The following ACYP2 variants were observed in gnomAD, a reference collection of about 807,000 sequenced individuals.
ACYP2 encodes acylphosphatase-2.
A neutral mutation model predicts 11.2 loss-of-function variants in ACYP2; 12 were observed. The ratio of observed to expected loss-of-function variants is 1.08; its 90% confidence interval spans 0.69 to 1.74. The LOEUF is 1.74. Ranked by LOEUF, ACYP2 falls within the 40% of genes most tolerant of loss-of-function variation. ACYP2 has a pLI of 0.00. For synonymous variants in ACYP2, 43 were observed against 32.2 expected, an observed-to-expected ratio of 1.33 and a Z score of -1.13; for missense variants, 134 against 101.9, an observed-to-expected ratio of 1.31 and a Z score of -1.35.
intron 2 of ACYP2, among the ~76,000 whole-genome samples, chr2:54,016,260 CA>C (rs1306757903): frequency 3.3e-5 from 5 of 152,076 alleles, no homozygotes; most frequent in African/African-American, 1.2e-4. Context: ...GTAGCCCTCC[CA>C]GTGCCATAAA....
At chr2:54,136,396 A>G (rs923396228) in intron 5 of ACYP2, among the ~76,000 whole-genome samples, 1 of 151,936 alleles carries the variant, frequency 6.6e-6, no homozygotes, top group Non-Finnish European at 1.5e-5. Context: ...ATTTTCACCT[A>G]CTATCTGAGG....
intron 4 of ACYP2, among the ~76,000 whole-genome samples, chr2:54,113,214 A>C (rs1298159591): frequency 1.3e-5 from 2 of 151,206 alleles, no homozygotes; most frequent in African/African-American, 4.9e-5. Context: ...AAGAAACAAG[A>C]GTCTGCATGA....
chr2:54,170,785 G>C (rs1209814403), intron 6 of ACYP2, among the ~76,000 whole-genome samples: 1 of 152,080 alleles, frequency 6.6e-6, no homozygotes, highest in Non-Finnish European at 1.5e-5. Flanking sequence ...TTGGTCTCTT[G>C]ACCTTATCTG....
At chr2:54,165,211 G>A (rs1682899679) in intron 6 of ACYP2, among the ~76,000 whole-genome samples, 1 of 152,098 alleles carries the variant, frequency 6.6e-6, no homozygotes, top group African/African-American at 2.4e-5. Context: ...TAGACTAGTT[G>A]ATTTCAGTGG....
At chr2:54,202,405 C>CTTTTTTTTTTTTTTTT (rs61634500) in intron 6 of ACYP2, among the ~76,000 whole-genome samples, 1 of 116,372 alleles carries the variant, frequency 8.6e-6, no homozygotes, top group African/African-American at 3.6e-5. Flanking sequence ...CTGTGCCTGG[C>CTTTTTTTTTTTTTTTT]TTTTTTTTTT....
intron 5 of ACYP2, among the ~76,000 whole-genome samples, chr2:54,136,925 G>C (rs1032471169): frequency 1.3e-5 from 2 of 152,082 alleles, no homozygotes; most frequent in East Asian, 3.8e-4. Context: ...GCAGTGAGCC[G>C]AGATGGCGCC....
intron 6 of ACYP2, among the ~76,000 whole-genome samples, chr2:54,234,545 C>T (rs1404504777): frequency 3.3e-5 from 5 of 152,210 alleles, no homozygotes; most frequent in Admixed American, 3.3e-4. Flanking sequence ...GGTTTTGGCA[C>T]CTACCAAGTG....
intron 6 of ACYP2, among the ~76,000 whole-genome samples, chr2:54,257,229 A>G (rs890714272): frequency 6.6e-6 from 1 of 152,162 alleles, no homozygotes; most frequent in Non-Finnish European, 1.5e-5. Context: ...AGAAGAAAAA[A>G]AGAGGAATCT....
At chr2:54,051,796 G>A in intron 3 of ACYP2, 1 of 413,516 alleles carries the variant, frequency 2.4e-6, no homozygotes, top group Non-Finnish European at 4.4e-6. Flanking sequence ...TGTAATCCCG[G>A]CACTTTGGGA....
At chr2:54,274,316 C>T (rs1004421860) in intron 6 of ACYP2, among the ~76,000 whole-genome samples, 1 of 152,182 alleles carries the variant, frequency 6.6e-6, no homozygotes, top group Non-Finnish European at 1.5e-5. Context: ...CCACCAGGTT[C>T]CTCCTATGAC....
At chr2:54,219,898 TATATATA>T (rs1281546599) in intron 6 of ACYP2, among the ~76,000 whole-genome samples, 1 of 116,472 alleles carries the variant, frequency 8.6e-6, no homozygotes, top group Non-Finnish European at 1.7e-5. Flanking sequence ...TATATATATA[TATATATA>T]TTTTTTTTTT....
intron 2 of ACYP2, among the ~76,000 whole-genome samples, chr2:53,995,899 G>A (rs1337333952): frequency 3.3e-5 from 5 of 152,214 alleles, no homozygotes; most frequent in South Asian, 4.1e-4. Flanking sequence ...TGGGGAGGCC[G>A]AGGCGGGCGG....
chr2:54,226,735 T>C (rs2103959466), intron 6 of ACYP2, among the ~76,000 whole-genome samples: 1 of 152,340 alleles, frequency 6.6e-6, no homozygotes. Flanking sequence ...ACCTCCCTCC[T>C]TTAAGTCCTC....
chr2:54,014,653 TA>T (rs1339919904), intron 2 of ACYP2, among the ~76,000 whole-genome samples: 4 of 152,162 alleles, frequency 2.6e-5, no homozygotes, highest in Non-Finnish European at 5.9e-5. Flanking sequence ...AAGCTCTTTT[TA>T]TTTCAGCTGG....
intron 2 of ACYP2, among the ~76,000 whole-genome samples, chr2:54,014,705 A>G (rs769969855): frequency 6.6e-6 from 1 of 152,040 alleles, no homozygotes; most frequent in Non-Finnish European, 1.5e-5. Context: ...AAATGAGCAA[A>G]CTATAATAAT....
rs144573085 is a variant in ACYP2, at chr2:54,036,349, C to T, written c.63-14609C>T. ...TCAGGTGATTTCTGCCCACCTTGGC[C>T]TACCAAAGTGTTGGGATTACAGGCG... On this transcript the variant is annotated intron_variant, in intron 2 of 6. Transcript: ENST00000607452. 8.9e-4 allele frequency among the ~76,000 whole-genome samples: 136 copies of T among 152,322 alleles called. 1 individual carries two copies. In the East Asian group the frequency reaches 0.026, roughly 29 times the overall value.
chr2:54,254,836 G>T, intron 6 of ACYP2: 1 of 1,356,400 alleles, frequency 7.4e-7, no homozygotes, highest in South Asian at 1.4e-5. Context: ...AAAGTAAAGG[G>T]CATACCTAAT....
At chr2:54,092,905 C>T (rs1431363451) in intron 4 of ACYP2, among the ~76,000 whole-genome samples, 1 of 152,116 alleles carries the variant, frequency 6.6e-6, no homozygotes, top group African/African-American at 2.4e-5. Flanking sequence ...TGTCCTCAGC[C>T]AAAGAGAGTT....
chr2:54,130,056 C>T (rs923788897), intron 4 of ACYP2, among the ~76,000 whole-genome samples: 2 of 151,862 alleles, frequency 1.3e-5, no homozygotes, highest in African/African-American at 4.8e-5. Flanking sequence ...GTTGGGGACA[C>T]AGTGGTAAGT....
Sources: gnomAD v4.1 joint callset for allele counts (sites outside exome capture counted in the v4.1 genomes callset) on GRCh38, gnomAD v4.1.1 for gene constraint, MANE v1.5 for transcripts, NCBI Gene and HGNC (gene_info 2026-07-23, HGNC 2026-07-21) for gene names.